MEMO1: variants seen among roughly 807,000 people sequenced by gnomAD.
MEMO1 encodes the protein protein MEMO1.
A neutral mutation model predicts 45.2 loss-of-function variants in MEMO1; 6 were observed. The ratio of observed to expected loss-of-function variants is 0.13; its 90% confidence interval spans 0.07 to 0.26. The LOEUF (loss-of-function observed/expected upper bound fraction) is 0.26. Among genes scored for constraint, MEMO1 ranks in the 10% least tolerant of loss-of-function variants. The pLI, the probability that MEMO1 is intolerant of heterozygous loss-of-function variation, is 1.00. For synonymous variants in MEMO1, 78 were observed against 124.3 expected (o/e 0.63, Z 2.48); for missense variants, 184 against 370.5 (o/e 0.50, Z 4.13).
chr2:31,924,986 T>C (rs1682865479), intron 4 of MEMO1, among the ~76,000 whole-genome samples: 1 of 152,208 alleles, frequency 6.6e-6, no homozygotes, highest in African/African-American at 2.4e-5. Flanking sequence ...GGTCACAGGA[T>C]AAAATCTAGA....
chr2:31,902,570 A>C (rs916825298), intron 6 of MEMO1, among the ~76,000 whole-genome samples: 1 of 152,184 alleles, frequency 6.6e-6, no homozygotes, highest in African/African-American at 2.4e-5. Flanking sequence ...TCTGAAAAAA[A>C]CAGAAAAAAC....
At chr2:31,906,469 A>C (rs1481282976) in intron 6 of MEMO1, among the ~76,000 whole-genome samples, 2 of 151,646 alleles carry the variant, frequency 1.3e-5, no homozygotes, top group African/African-American at 4.8e-5. Context: ...GATTACAGGC[A>C]CACGCCACCA....
intron 2 of MEMO1, among the ~76,000 whole-genome samples, chr2:32,006,627 G>A (rs1000178836): frequency 1.3e-5 from 2 of 150,504 alleles, no homozygotes; most frequent in Non-Finnish European, 2.9e-5. Context: ...TACATTTGCA[G>A]TATGGGCCAC....
intron 2 of MEMO1, among the ~76,000 whole-genome samples, chr2:31,962,651 T>C (rs1421585139): frequency 6.6e-6 from 1 of 152,120 alleles, no homozygotes; most frequent in Non-Finnish European, 1.5e-5. Context: ...GAAAAAACAC[T>C]AAAAGTAAAG....
At chr2:31,998,520 G>T (rs529383975) in intron 2 of MEMO1, among the ~76,000 whole-genome samples, 33 of 152,190 alleles carry the variant, frequency 2.2e-4, no homozygotes, top group Admixed American at 2.2e-3. Flanking sequence ...ATCATTTATG[G>T]CTGGGCACAG....
At position 31,923,100 on chromosome 2, in the gene MEMO1, A is replaced by G. The variant is rs146586451; in HGVS notation, c.213-2190T>C. On this transcript the variant is annotated intron_variant, in intron 4 of 9. Coordinates refer to ENST00000404530, the MANE Select transcript of MEMO1 (RefSeq NM_001301833.4). ...ATTTACACTCCTACCAACAATGTAT[A>G]AACATTTATTTTTCTCCACAACCTT... Among the ~76,000 whole-genome samples, 60 of 152,286 alleles carry G rather than the reference A, an allele frequency of 3.9e-4. No homozygotes were observed. In the East Asian group the frequency reaches 9.1e-3, roughly 23 times the overall value.
intron 2 of MEMO1, among the ~76,000 whole-genome samples, chr2:31,949,340 G>C (rs1666555173): frequency 6.6e-6 from 1 of 152,150 alleles, no homozygotes; most frequent in Admixed American, 6.5e-5. Context: ...GTTTACAATA[G>C]CTAAGATTGG....
chr2:31,881,495 TAAAAAAAAAAA>T (rs34058748), intron 8 of MEMO1, among the ~76,000 whole-genome samples: 1 of 68,430 alleles, frequency 1.5e-5, no homozygotes, highest in East Asian at 4.4e-4. Flanking sequence ...AGCCTGTCTT[TAAAAAAAAAAA>T]AAAAAAAAAA....
At chr2:31,965,860 C>G (rs1668552763) in intron 2 of MEMO1, among the ~76,000 whole-genome samples, 1 of 152,122 alleles carries the variant, frequency 6.6e-6, no homozygotes, top group African/African-American at 2.4e-5. Context: ...ATAGCTAATG[C>G]ATGCCGGGCT....
At chr2:31,923,735 C>G (rs1054968558) in intron 4 of MEMO1, 5 of 1,533,494 alleles carry the variant, frequency 3.3e-6, no homozygotes, top group Non-Finnish European at 4.4e-6. Flanking sequence ...CCTGGAAAAT[C>G]TGAAACACAC....
chr2:31,905,525 A>G (rs149613948), intron 6 of MEMO1, among the ~76,000 whole-genome samples: 1 of 152,356 alleles, frequency 6.6e-6, no homozygotes, highest in East Asian at 1.9e-4. Flanking sequence ...CTCTATTTTT[A>G]AAACTCAACC....
intron 6 of MEMO1, among the ~76,000 whole-genome samples, chr2:31,911,893 A>C (rs1193377808): frequency 6.6e-6 from 1 of 152,038 alleles, no homozygotes; most frequent in Non-Finnish European, 1.5e-5. Flanking sequence ...CTCCTGCCTT[A>C]GCCTCCCAAA....
chr2:31,963,205 G>A, intron 2 of MEMO1: 1 of 1,547,634 alleles, frequency 6.5e-7, no homozygotes, highest in South Asian at 1.2e-5. Flanking sequence ...CTTGCTGACT[G>A]CACATCTTGG....
intron 7 of MEMO1, among the ~76,000 whole-genome samples, chr2:31,886,092 A>C (rs1676148091): frequency 6.6e-6 from 1 of 152,206 alleles, no homozygotes; most frequent in African/African-American, 2.4e-5. Flanking sequence ...ACAGAGAGCC[A>C]ATGGCAGTAA....
chr2:31,897,296 G>C (rs966113322), intron 6 of MEMO1, among the ~76,000 whole-genome samples: 5 of 152,174 alleles, frequency 3.3e-5, no homozygotes, highest in African/African-American at 7.2e-5. Context: ...ACTTGTGCTG[G>C]TTTTCAAAGG....
chr2:31,933,352 T>TAAAAAAAAAAAAAAA (rs1558514359), intron 3 of MEMO1, among the ~76,000 whole-genome samples: 1 of 12,218 alleles, frequency 8.2e-5, no homozygotes, highest in Non-Finnish European at 1.3e-4. Context: ...AAAAAAAATT[T>TAAAAAAAAAAAAAAA]ATATATATAT....
intron 3 of MEMO1, among the ~76,000 whole-genome samples, chr2:31,938,063 A>G (rs1326207961): frequency 1.3e-5 from 2 of 152,168 alleles, no homozygotes; most frequent in Admixed American, 6.5e-5. Flanking sequence ...TCTGAATTCA[A>G]CCACAGTACA....
intron 8 of MEMO1, among the ~76,000 whole-genome samples, chr2:31,875,989 A>T (rs1674504585): frequency 6.6e-6 from 1 of 151,950 alleles, no homozygotes; most frequent in African/African-American, 2.4e-5. Flanking sequence ...CCCCAGCCCC[A>T]TTGTTGCTAC....
chr2:31,967,290 AT>A (rs1668748249), intron 2 of MEMO1, among the ~76,000 whole-genome samples: 1 of 151,696 alleles, frequency 6.6e-6, no homozygotes, highest in Non-Finnish European at 1.5e-5. Context: ...CGCCCGGCTA[AT>A]TTTTTTGTAT....
Sources: gnomAD v4.1 joint callset for allele counts (sites outside exome capture counted in the v4.1 genomes callset) on GRCh38, gnomAD v4.1.1 for gene constraint, MANE v1.5 for transcripts, NCBI Gene and HGNC (gene_info 2026-07-23, HGNC 2026-07-21) for gene names.